The following CTNND2 variants were observed in gnomAD, a reference collection of about 807,000 sequenced individuals.
CTNND2 encodes the protein catenin delta 2.
In CTNND2, 22 loss-of-function variants were observed where a neutral mutation model predicts 144.4. The observed-to-expected ratio is 0.15, with a 90% CI of 0.11 to 0.22. The LOEUF (loss-of-function observed/expected upper bound fraction) is 0.22, where lower values mean the gene tolerates loss of function less well. Ranked by LOEUF, CTNND2 falls within the 10% of genes least tolerant of loss-of-function variation. The pLI is 1.00. For synonymous variants in CTNND2, 751 were observed against 695.6 expected (o/e 1.08, Z -1.25); for missense variants, 1,353 against 1,618.8 (o/e 0.84, Z 2.82).
chr5:11,670,205 C>T (rs1016264430), intron 2 of CTNND2, among the ~76,000 whole-genome samples: 2 of 152,126 alleles, frequency 1.3e-5, no homozygotes, highest in Non-Finnish European at 2.9e-5. Flanking sequence ...TGATGTGGTG[C>T]TGAGAACAAT....
At chr5:11,582,373 T>C (rs536820192) in intron 2 of CTNND2, among the ~76,000 whole-genome samples, 101 of 152,248 alleles carry the variant, frequency 6.6e-4, no homozygotes, top group Non-Finnish European at 1.0e-3. Context: ...TTGTTCTTTC[T>C]CAAAATATAT....
Position 10,988,922 on chromosome 5 carries a change from G to A in CTNND2, c.3212-680C>T, listed in dbSNP as rs930855529. Among the ~76,000 whole-genome samples the A allele has an allele frequency of 1.3e-5, 2 of 152,142 alleles. No homozygotes were observed. The highest frequency in any genetic ancestry group is 2.9e-5 in the Non-Finnish European group (2 of 68,032). On this transcript the variant is annotated intron_variant, in intron 19 of 21. Coordinates refer to ENST00000304623, the MANE Select transcript of CTNND2 (RefSeq NM_001332.4). The surrounding 1 kb of genome is among the most constrained non-coding windows in gnomAD (Gnocchi z 5.9). ...CATAAACACCCCAATAATCTCTGAG[G>A]CCCTCCTTACACCTCAGCCACTCAC... is the stretch of plus-strand genomic sequence containing the variant.
Position 11,491,275 on chromosome 5 carries a change from A to T in CTNND2, c.287+73669T>A, listed in dbSNP as rs533263913. Among the ~76,000 whole-genome samples the T allele has an allele frequency of 2.0e-5, 3 of 152,216 alleles. No homozygotes were observed. The East Asian group carries it at 5.8e-4, about 29-fold the overall frequency. ...TCTTTTGGGGAGGTCTCCATAAATG[A>T]TGGGGTTTTGGATGTTTACTGGGAT... On this transcript the variant is annotated intron_variant, in intron 3 of 21. Transcript: ENST00000304623.
At chr5:11,775,704 G>A (rs1183034947) in intron 1 of CTNND2, among the ~76,000 whole-genome samples, 2 of 152,232 alleles carry the variant, frequency 1.3e-5, no homozygotes, top group African/African-American at 2.4e-5. Context: ...CCCCGGAAGG[G>A]ACTCTGAGTA....
intron 2 of CTNND2, among the ~76,000 whole-genome samples, chr5:11,566,341 T>C (rs1375185086): frequency 6.6e-6 from 1 of 152,218 alleles, no homozygotes; most frequent in Non-Finnish European, 1.5e-5. Context: ...GTATTATAGT[T>C]AAGAAATTAA....
intron 10 of CTNND2, among the ~76,000 whole-genome samples, chr5:11,217,149 T>C (rs1739284158): frequency 6.6e-6 from 1 of 152,156 alleles, no homozygotes; most frequent in South Asian, 2.1e-4. Context: ...TTTCAGATAA[T>C]TTCAATGACG....
At position 11,495,584 on chromosome 5, in the gene CTNND2, T is replaced by C. The variant is rs188706276; in HGVS notation, c.287+69360A>G. On this transcript the variant is annotated intron_variant, in intron 3 of 21. Transcript: ENST00000304623. The stretch of plus-strand genomic sequence containing the variant: ...TCCAGATACAAGCTGAGACCATCAC[T>C]TCCCCTTGAGATCTGCATATGGGGA... Among the ~76,000 whole-genome samples, 82 of 152,270 alleles carry C rather than the reference T, an allele frequency of 5.4e-4. 2 individuals carry two copies. Among genetic ancestry groups the C allele is most frequent in the Admixed American group, 1.0e-3 (16 of 15,288 alleles).
At chr5:11,636,706 G>C in intron 2 of CTNND2, among the ~76,000 whole-genome samples, 1 of 152,156 alleles carries the variant, frequency 6.6e-6, no homozygotes, top group East Asian at 1.9e-4. Context: ...TGAAACATTA[G>C]AAAGTGTGTC....
intron 2 of CTNND2, among the ~76,000 whole-genome samples, chr5:11,648,186 T>C (rs886170414): frequency 2.6e-5 from 4 of 151,018 alleles, no homozygotes; most frequent in Non-Finnish European, 5.9e-5. Flanking sequence ...TTTTTTTTTT[T>C]TTTTTACTAT....
intron 3 of CTNND2, among the ~76,000 whole-genome samples, chr5:11,446,091 C>A (rs1764775618): frequency 6.6e-6 from 1 of 152,124 alleles, no homozygotes; most frequent in African/African-American, 2.4e-5. Context: ...CATGCTTCAG[C>A]CCCCTGAATA....
intron 18 of CTNND2, among the ~76,000 whole-genome samples, chr5:10,999,223 G>C (rs1031756034): frequency 2.6e-5 from 4 of 152,208 alleles, no homozygotes; most frequent in African/African-American, 9.6e-5. Flanking sequence ...TAGCCAGCTA[G>C]CAATCAATCT....
intron 12 of CTNND2, among the ~76,000 whole-genome samples, chr5:11,150,199 A>T (rs1457576639): frequency 6.6e-6 from 1 of 152,104 alleles, no homozygotes; most frequent in East Asian, 1.9e-4. Flanking sequence ...ACTCTTCCAT[A>T]GCACAGCTGC....
intron 9 of CTNND2, among the ~76,000 whole-genome samples, chr5:11,278,317 G>A (rs1387036383): frequency 6.6e-6 from 1 of 152,118 alleles, no homozygotes; most frequent in Non-Finnish European, 1.5e-5. Flanking sequence ...TCTTTTACAG[G>A]TCCTATTTCC....
intron 16 of CTNND2, among the ~76,000 whole-genome samples, chr5:11,037,597 A>G (rs1481775405): frequency 1.3e-5 from 2 of 152,194 alleles, no homozygotes; most frequent in African/African-American, 4.8e-5. Context: ...ACAAGGATTA[A>G]TTACCTCAAC....
intron 16 of CTNND2, among the ~76,000 whole-genome samples, chr5:11,030,420 C>T (rs749278718): frequency 6.6e-6 from 1 of 152,010 alleles, no homozygotes; most frequent in Non-Finnish European, 1.5e-5. Flanking sequence ...AGCTCTGCTC[C>T]TTTTCTTCGA....
chr5:11,494,886 TTC>T (rs1769786951), intron 3 of CTNND2, among the ~76,000 whole-genome samples: 1 of 152,186 alleles, frequency 6.6e-6, no homozygotes, highest in African/African-American at 2.4e-5. Context: ...CACTTATACT[TTC>T]TGTTCTCAGT....
rs200953630 is a variant in CTNND2 at position 10,980,206 on chromosome 5, GA to G, written c.3417+1566del. On this transcript the variant is annotated intron_variant, in intron 21 of 21. Coordinates refer to ENST00000304623, the MANE Select transcript of CTNND2 (RefSeq NM_001332.4). The stretch of plus-strand genomic sequence containing the variant: ...ATAAAGAACTTAAACAAATTTACAA[GA>G]AAAAAAAAACCCATCAAAAAGTGAG... 9.0e-3 allele frequency among the ~76,000 whole-genome samples: 1,309 copies of G among 146,112 alleles called. 7 individuals carry two copies. The highest frequency in any genetic ancestry group is 0.017 in the South Asian group (79 of 4,602).
At chr5:11,634,880 C>T (rs766525843) in intron 2 of CTNND2, among the ~76,000 whole-genome samples, 4 of 151,832 alleles carry the variant, frequency 2.6e-5, no homozygotes, top group Non-Finnish European at 4.4e-5. Flanking sequence ...CAAGTAGCTT[C>T]AGAAATGAAA....
At position 11,233,746 on chromosome 5, in the gene CTNND2, G is replaced by A. The variant is rs566937692; in HGVS notation, c.1761+2945C>T. On this transcript the variant is annotated intron_variant, in intron 10 of 21. Coordinates refer to ENST00000304623, the MANE Select transcript of CTNND2 (RefSeq NM_001332.4). ...TGTGTGTGTGTGTGTGTGTGTGTGT[G>A]TATGTGTATATGCACATATGCACGC... Among the ~76,000 whole-genome samples the A allele has an allele frequency of 7.1e-5, 10 of 141,038 alleles. No individual in the cohort carries two copies. In the South Asian group the frequency reaches 2.3e-3, roughly 32 times the overall value. The allele number at this position is 141,038 out of a possible 152,430, so 92.5% of individuals were successfully genotyped here. A position where few individuals can be genotyped will look rare whatever the true frequency, so the allele number is the denominator to read the frequency against.
Sources: allele counts gnomAD v4.1 joint callset (sites outside exome capture counted in the v4.1 genomes callset), GRCh38; gene constraint gnomAD v4.1.1; non-coding constraint Gnocchi (gnomAD v3.1); transcripts MANE v1.5; gene names NCBI Gene and HGNC (gene_info 2026-07-23, HGNC 2026-07-21).